Variants in ADCY7 observed in about 807,000 individuals in gnomAD.
ADCY7 encodes adenylate cyclase 7, also known as adenylate cyclase type 7.
In ADCY7, 72 loss-of-function variants were observed where a neutral mutation model predicts 120.6. The observed-to-expected ratio is 0.60, with a 90% CI of 0.49 to 0.73. ADCY7 has a LOEUF of 0.73. Ranked by LOEUF, ADCY7 falls within the 30% of genes least tolerant of loss-of-function variation. The probability of loss-of-function intolerance (pLI) is 0.00; values close to 1 mark genes in which losing one functional copy is unlikely to be tolerated. For synonymous variants in ADCY7, 661 were observed against 628.0 expected (o/e 1.05, Z -0.78); for missense variants, 1,227 against 1,486.0 (o/e 0.83, Z 2.87).
intron 1 of ADCY7, among the ~76,000 whole-genome samples, chr16:50,276,464 CTGCT>C (rs2150870101): frequency 6.6e-6 from 1 of 152,378 alleles, no homozygotes; most frequent in South Asian, 2.1e-4. Context: ...GCTCAGTACA[CTGCT>C]TGCATCACCC....
At position 50,310,759 on chromosome 16, in the gene ADCY7, G is replaced by T. The variant is rs1176791397; in HGVS notation, c.2233G>T (p.Val745Phe). Reference sequence around the variant, plus strand: ...CCTGAGGATGAGCCTGGAGCCAAAGGTTGTGCTGCTGACAGTGGCCCTGGT... The same window carrying T: ...CCTGAGGATGAGCCTGGAGCCAAAGTTTGTGCTGCTGACAGTGGCCCTGGT... Reference protein sequence around the residue: ...VFLRMSLEPKVVLLTVALVAY... With the variant: ...VFLRMSLEPKFVLLTVALVAY... Residue 745 changes from valine (V) to phenylalanine (F), a missense_variant, in exon 19 of 26, where the codon GTT becomes TTT. By Grantham distance (50) the Val-to-Phe change is conservative. Transcript: ENST00000673801. The T allele has an allele frequency of 6.2e-7, 1 of 1,614,184 alleles. No homozygotes were observed. The highest frequency in any genetic ancestry group is 1.7e-5 in the Admixed American group (1 of 60,024).
In ADCY7 at chr16:50,293,411, A is replaced by G. The variant is rs1451637294; in HGVS notation, c.745A>G (p.Ile249Val). 1 of 1,614,050 alleles carries G rather than the reference A, an allele frequency of 6.2e-7. No homozygotes were observed. The highest frequency in any genetic ancestry group is 8.5e-7 in the Non-Finnish European group (1 of 1,180,000). Residue 249 changes from isoleucine (I) to valine (V), a missense_variant, in exon 6 of 26, where the codon ATC becomes GTC. Ile to Val is a conservative substitution (Grantham distance 29). Transcript: ENST00000673801. ...CATCTCCATGGGCATGAAGCTGGCCATCATCGAACGGCTCAAGGAGCATGG... is the reference window on the plus strand; with the variant it reads ...CATCTCCATGGGCATGAAGCTGGCCGTCATCGAACGGCTCAAGGAGCATGG... ...AHISMGMKLA[I>V]IERLKEHGDR...
chr16:50,312,758 G>A, intron 21 of ADCY7, 132 bp from the exon 22 acceptor site: 7 of 791,758 alleles, frequency 8.8e-6, no homozygotes, highest in South Asian at 1.8e-5. Context: ...AACTCATGCA[G>A]CCCGCCCCCC....
At position 50,307,161 on chromosome 16, in the gene ADCY7, AG is replaced by A; in HGVS notation, c.1850+18del. 3 of 1,608,254 alleles carry A rather than the reference AG, an allele frequency of 1.9e-6. No homozygotes were observed. Reference sequence around the variant, plus strand: ...GCTCATGCCCAGGTCAGTTGCAGGGAGGGGTGTGGGGGTCCGGCCTGCTGGG... The same window carrying A: ...GCTCATGCCCAGGTCAGTTGCAGGGAGGGTGTGGGGGTCCGGCCTGCTGGG... On this transcript the variant is annotated intron_variant, in intron 15 of 25. Transcript: ENST00000673801.
intron 15 of ADCY7, among the ~76,000 whole-genome samples, chr16:50,307,503 A>T (rs1167191188): frequency 6.6e-6 from 1 of 152,102 alleles, no homozygotes; most frequent in Non-Finnish European, 1.5e-5. Context: ...ATATAGGGAA[A>T]TTGGGGCACA....
rs79812980 is a variant in ADCY7 at position 50,313,311 on chromosome 16, T to C, written c.2751+275T>C. 5.6e-4 allele frequency: 179 copies of C among 317,778 alleles called. 2 individuals are homozygous for C. In the East Asian group the frequency reaches 0.014, roughly 24 times the overall value. 19.7% of individuals were successfully genotyped at this position (317,778 alleles called of 1,614,324 possible). ...GGCGCACACCTGTAATCCCAGCTAC[T>C]TGGGAGGCTGAGGCAGGAGAATCGC... On this transcript the variant is annotated intron_variant, in intron 22 of 25. Transcript: ENST00000673801.
chr16:50,281,816 C>T (rs2034284837), intron 1 of ADCY7, among the ~76,000 whole-genome samples: 1 of 152,206 alleles, frequency 6.6e-6, no homozygotes. Context: ...TTAGGTCAGG[C>T]TTGCACTGGG....
intron 8 of ADCY7, among the ~76,000 whole-genome samples, 189 bp from the exon 9 acceptor site, chr16:50,300,526 T>C (rs2035645461): frequency 6.6e-6 from 1 of 152,214 alleles, no homozygotes; most frequent in African/African-American, 2.4e-5. Context: ...CACCTACTTG[T>C]ATGCTCCTGG....
chr16:50,292,403 C>T (rs938213330), intron 4 of ADCY7, among the ~76,000 whole-genome samples: 1 of 152,252 alleles, frequency 6.6e-6, no homozygotes, highest in African/African-American at 2.4e-5. Context: ...CTGGGACTGC[C>T]CTTAGCACGC....
At chr16:50,251,711 G>A (rs1465516661) in intron 1 of ADCY7, among the ~76,000 whole-genome samples, 1 of 152,222 alleles carries the variant, frequency 6.6e-6, no homozygotes, top group African/African-American at 2.4e-5. Flanking sequence ...CTCACCCAGA[G>A]CTCGGGCCTC....
intron 13 of ADCY7, 48 bp downstream of exon 13, chr16:50,305,634 TA>T (rs769100932): frequency 1.3e-6 from 2 of 1,543,400 alleles, no homozygotes; most frequent in South Asian, 2.3e-5. Context: ...CCCCCTCGGA[TA>T]GGGGTCCCCT....
intron 1 of ADCY7, among the ~76,000 whole-genome samples, chr16:50,259,225 G>A (rs2032996819): frequency 6.6e-6 from 1 of 152,160 alleles, no homozygotes; most frequent in East Asian, 1.9e-4. Context: ...GCATCCCTGT[G>A]ACATCGTTAA....
At chr16:50,304,312 C>T in intron 10 of ADCY7, 48 bp from the exon 11 acceptor site, 1 of 1,378,434 alleles carries the variant, frequency 7.3e-7, no homozygotes, top group East Asian at 2.7e-5. Flanking sequence ...CCTTCCTGGG[C>T]CGAGAGGGGA....
rs2036271019 is a variant in ADCY7, at chr16:50,309,012, A to G, written c.2061+220A>G. ...GAGAGCTTGTGTGGCCAGCTCCAGG[A>G]GGATGTGATGCCTTGAGCCACCACA... On this transcript the variant is annotated intron_variant, in intron 17 of 25. Coordinates refer to ENST00000673801, the MANE Select transcript of ADCY7 (RefSeq NM_001114.5). 13 of 491,346 alleles carry G rather than the reference A, an allele frequency of 2.6e-5. No homozygotes were observed. The East Asian group carries it at 4.4e-4, about 17-fold the overall frequency. 30.4% of individuals were successfully genotyped at this position (491,346 alleles called of 1,614,324 possible).
intron 2 of ADCY7, 132 bp from the exon 3 acceptor site, chr16:50,290,325 T>C (rs1168250182): frequency 2.1e-6 from 2 of 930,556 alleles, no homozygotes; most frequent in Non-Finnish European, 3.3e-6. Flanking sequence ...GGGAACCAGG[T>C]GTGGGAGGGT....
chr16:50,255,402 G>GGAAAAAAAAAAAAAAAAAAAA (rs368044444), intron 1 of ADCY7, among the ~76,000 whole-genome samples: 14 of 108,138 alleles, frequency 1.3e-4, no homozygotes, highest in African/African-American at 5.2e-4. Flanking sequence ...TCTGTTTCTG[G>GGAAAAAAAAAAAAAAAAAAAA]AAAAAAAAAA....
intron 1 of ADCY7, among the ~76,000 whole-genome samples, chr16:50,283,341 C>T (rs560118741): frequency 9.3e-4 from 141 of 152,312 alleles, no homozygotes; most frequent in Non-Finnish European, 1.1e-3. Flanking sequence ...TGCCAGTTCT[C>T]CATGTTGGTG....
In ADCY7 at chr16:50,309,664, G is replaced by A. The variant is rs373901191; in HGVS notation, c.2160+18G>A. The A allele has an allele frequency of 9.4e-6, 15 of 1,601,212 alleles. No homozygotes were observed. Among genetic ancestry groups the A allele is most frequent in the East Asian group, 2.2e-5 (1 of 44,774 alleles). On this transcript the variant is annotated intron_variant, in intron 18 of 25. Coordinates refer to ENST00000673801, the MANE Select transcript of ADCY7 (RefSeq NM_001114.5). Reference sequence around the variant, plus strand: ...CCCTCCCGGTGAGTGCGCCGGGCCCGGCTCCGTGGCCTCATTCAGAGTGGG... The same window carrying A: ...CCCTCCCGGTGAGTGCGCCGGGCCCAGCTCCGTGGCCTCATTCAGAGTGGG...
chr16:50,265,325 G>A (rs1310827684), upstream of ADCY7, among the ~76,000 whole-genome samples: 1 of 151,756 alleles, frequency 6.6e-6, no homozygotes, highest in African/African-American at 2.4e-5. Flanking sequence ...GATCCCCTGA[G>A]GTCTCCCACT....
Sources: allele counts gnomAD v4.1 joint callset (sites outside exome capture counted in the v4.1 genomes callset), GRCh38; gene constraint gnomAD v4.1.1; transcripts MANE v1.5; gene names NCBI Gene and HGNC (gene_info 2026-07-23, HGNC 2026-07-21).